The following DLGAP2 variants were observed in gnomAD, a reference collection of about 807,000 sequenced individuals.
The protein encoded by DLGAP2 is DLG associated protein 2.
Under a neutral mutation model 100.3 loss-of-function variants are expected in DLGAP2, and 26 were observed. The ratio of observed to expected loss-of-function variants is 0.26; its 90% CI spans 0.19 to 0.36. The LOEUF (loss-of-function observed/expected upper bound fraction) is 0.36, where lower values mean the gene tolerates loss of function less well. Among genes scored for constraint, DLGAP2 ranks in the 10% least tolerant of loss-of-function variants. The pLI is 1.00. For missense variants in DLGAP2, 1,858 were observed against 1,453.2 expected (o/e 1.28, Z -4.53); for synonymous variants, 886 against 630.1 (o/e 1.41, Z -6.08).
At chr8:1,392,384 C>G (rs1361879452) in intron 3 of DLGAP2, among the ~76,000 whole-genome samples, 1 of 152,140 alleles carries the variant, frequency 6.6e-6, no homozygotes, top group Non-Finnish European at 1.5e-5. Context: ...TTCTTCCCAT[C>G]AACTCGCGGC....
intron 1 of DLGAP2, among the ~76,000 whole-genome samples, chr8:813,896 C>G (rs931680296): frequency 1.3e-5 from 2 of 152,146 alleles, no homozygotes; most frequent in Admixed American, 6.5e-5. Context: ...AGAAGCAGGA[C>G]TCCTGTCTGC....
intron 3 of DLGAP2, among the ~76,000 whole-genome samples, chr8:1,333,477 C>G (rs1280706051): frequency 1.3e-5 from 2 of 152,120 alleles, no homozygotes; most frequent in Non-Finnish European, 2.9e-5. Context: ...GTCTAAATAG[C>G]GATGTTTTGT....
chr8:1,500,484 C>G (rs1799684241), intron 3 of DLGAP2, among the ~76,000 whole-genome samples: 1 of 152,254 alleles, frequency 6.6e-6, no homozygotes, highest in Non-Finnish European at 1.5e-5. Flanking sequence ...TCCCTGAGAT[C>G]CAGCTGTGTC....
intron 3 of DLGAP2, among the ~76,000 whole-genome samples, chr8:1,299,146 T>C (rs1417931611): frequency 6.6e-6 from 1 of 152,228 alleles, no homozygotes; most frequent in Non-Finnish European, 1.5e-5. Context: ...ATATTAAGTA[T>C]GATTTTGACC....
intron 3 of DLGAP2, among the ~76,000 whole-genome samples, chr8:1,464,347 C>CAACACCCTTCCA (rs1798556934): frequency 8.9e-6 from 1 of 112,818 alleles, no homozygotes; most frequent in Admixed American, 9.5e-5. Flanking sequence ...CCTTCCAGGA[C>CAACACCCTTCCA]GGCACCCTTC....
At chr8:1,635,040 G>T (rs1261684349) in intron 8 of DLGAP2, among the ~76,000 whole-genome samples, 1 of 152,096 alleles carries the variant, frequency 6.6e-6, no homozygotes, top group Admixed American at 6.5e-5. Context: ...AATGAGAAAA[G>T]AAATGAAAAG....
intron 2 of DLGAP2, among the ~76,000 whole-genome samples, chr8:1,249,944 G>GCA (rs1799000536): frequency 2.0e-5 from 3 of 151,954 alleles, no homozygotes; most frequent in Non-Finnish European, 4.4e-5. Context: ...GCAGTGGCGT[G>GCA]ATCTCAGCTC....
chr8:1,271,933 C>T (rs1380890256), intron 3 of DLGAP2, among the ~76,000 whole-genome samples: 1 of 152,212 alleles, frequency 6.6e-6, no homozygotes, highest in Non-Finnish European at 1.5e-5. Context: ...GCCTCAGCTT[C>T]CCAACTAGCT....
At chr8:1,601,320 G>A (rs1240630949) in intron 6 of DLGAP2, among the ~76,000 whole-genome samples, 1 of 152,218 alleles carries the variant, frequency 6.6e-6, no homozygotes, top group East Asian at 1.9e-4. Context: ...TCCCTGCTGG[G>A]AGATGTCTCC....
intron 3 of DLGAP2, among the ~76,000 whole-genome samples, chr8:1,274,695 C>CTTTTTT (rs145930765): frequency 9.0e-5 from 2 of 22,210 alleles, no homozygotes; most frequent in African/African-American, 4.5e-4. Context: ...TTTCATTTAT[C>CTTTTTT]TTTTTTTTTT....
At position 880,583 on chromosome 8, in the gene DLGAP2, G is replaced by A. The variant is rs984615445; in HGVS notation, c.19-27329G>A. 9.0e-5 allele frequency among the ~76,000 whole-genome samples: 13 copies of A among 145,154 alleles called. 1 individual carries two copies. Among genetic ancestry groups the A allele is most frequent in the Non-Finnish European group, 2.0e-4 (13 of 66,550 alleles). On this transcript the variant is annotated intron_variant, in intron 1 of 14. Transcript: ENST00000637795. ...CATCCGTGCTGGGGAGACTTTATAGGTGGGTCGGGGTGACCGTCCAGTGTG... is the reference window on the plus strand; with the variant it reads ...CATCCGTGCTGGGGAGACTTTATAGATGGGTCGGGGTGACCGTCCAGTGTG...
At chr8:1,447,654 A>G (rs1584913869) in intron 3 of DLGAP2, among the ~76,000 whole-genome samples, 1 of 152,238 alleles carries the variant, frequency 6.6e-6, no homozygotes, top group East Asian at 1.9e-4. Flanking sequence ...TAGTTTCAGA[A>G]GGAATGTTAC....
At chr8:836,000 AAG>A (rs1796866845) in intron 1 of DLGAP2, among the ~76,000 whole-genome samples, 1 of 152,148 alleles carries the variant, frequency 6.6e-6, no homozygotes, top group African/African-American at 2.4e-5. Flanking sequence ...CCTTCCTTGG[AAG>A]ACTTTTTGTC....
intron 3 of DLGAP2, among the ~76,000 whole-genome samples, chr8:1,361,457 T>C (rs1241621297): frequency 1.3e-5 from 2 of 152,262 alleles, no homozygotes; most frequent in African/African-American, 2.4e-5. Flanking sequence ...TCTGTAGTTT[T>C]TCCCCTTATC....
At chr8:1,002,492 A>C (rs1187025691) in intron 2 of DLGAP2, 2 of 152,248 alleles carry the variant, frequency 1.3e-5, no homozygotes, top group Non-Finnish European at 2.9e-5. Flanking sequence ...AACTTGTGGA[A>C]TGACTGCTGT....
chr8:1,699,941 C>T (rs1053847391), intron 14 of DLGAP2, among the ~76,000 whole-genome samples: 1 of 152,180 alleles, frequency 6.6e-6, no homozygotes, highest in East Asian at 1.9e-4. Flanking sequence ...CTCTTGGCAT[C>T]CCCTGAACTA....
chr8:1,181,478 A>G (rs951574826), intron 2 of DLGAP2, among the ~76,000 whole-genome samples: 3 of 152,034 alleles, frequency 2.0e-5, no homozygotes, highest in African/African-American at 7.2e-5. Context: ...CTCACCTCTA[A>G]GTGGAGCTGA....
At chr8:1,112,976 A>G in intron 2 of DLGAP2, among the ~76,000 whole-genome samples, 1 of 152,058 alleles carries the variant, frequency 6.6e-6, no homozygotes, top group Non-Finnish European at 1.5e-5. Flanking sequence ...TTCCCCATTA[A>G]TTATTTTTGT....
intron 2 of DLGAP2, chr8:1,018,630 G>T (rs1291017895): frequency 6.6e-6 from 1 of 152,210 alleles, no homozygotes; most frequent in Non-Finnish European, 1.5e-5. Context: ...TCATAATTAC[G>T]TTGAGGTCTC....
Sources: gnomAD v4.1 joint callset for allele counts (sites outside exome capture counted in the v4.1 genomes callset) on GRCh38, gnomAD v4.1.1 for gene constraint, MANE v1.5 for transcripts, NCBI Gene and HGNC (gene_info 2026-07-23, HGNC 2026-07-21) for gene names.